Variants in TMEM233 observed in about 807,000 individuals in gnomAD.
The protein encoded by TMEM233 is transmembrane protein 233.
In TMEM233, 6 loss-of-function variants were observed where a neutral mutation model predicts 11.2. The observed-to-expected ratio is 0.54, with a 90% CI of 0.29 to 1.06. The LOEUF (loss-of-function observed/expected upper bound fraction) is 1.06. Among genes scored for constraint, TMEM233 ranks in the 50% least tolerant of loss-of-function variants. The pLI, the probability that TMEM233 is intolerant of heterozygous loss-of-function variation, is 0.08. For missense variants in TMEM233, 127 were observed against 144.7 expected, an observed-to-expected ratio of 0.88 and a Z score of 0.63; for synonymous variants, 59 against 55.8, an observed-to-expected ratio of 1.06 and a Z score of -0.26.
intron 1 of TMEM233, among the ~76,000 whole-genome samples, chr12:119,598,418 C>G (rs562350275): frequency 6.6e-6 from 1 of 152,346 alleles, no homozygotes; most frequent in East Asian, 1.9e-4. Context: ...TACACAATAA[C>G]CAATGACTTT....
intron 1 of TMEM233, among the ~76,000 whole-genome samples, chr12:119,629,279 G>A (rs11064857): frequency 0.77 from 116,339 of 151,908 alleles, 44,727 homozygotes; most frequent in Middle Eastern, 0.85. Flanking sequence ...GCGTGGTGGC[G>A]GGCACCTGTA....
At chr12:119,607,728 C>A (rs1459889215) in intron 1 of TMEM233, among the ~76,000 whole-genome samples, 1 of 151,722 alleles carries the variant, frequency 6.6e-6, no homozygotes, top group Middle Eastern at 3.2e-3. Context: ...CCTGCCCCAT[C>A]CTCAGGCCCC....
At chr12:119,644,430 C>A (rs760387361), downstream of TMEM233, among the ~76,000 whole-genome samples, 1 of 151,878 alleles carries the variant, frequency 6.6e-6, no homozygotes, top group Non-Finnish European at 1.5e-5. Flanking sequence ...TCTTACTATA[C>A]CTTCCATATG....
downstream of TMEM233, among the ~76,000 whole-genome samples, chr12:119,645,916 G>A: frequency 6.6e-6 from 1 of 152,102 alleles, no homozygotes; most frequent in East Asian, 1.9e-4. Flanking sequence ...GAAAGTATTG[G>A]GAGGAACTCA....
At chr12:119,600,309 C>T (rs1171934155) in intron 1 of TMEM233, among the ~76,000 whole-genome samples, 1 of 141,040 alleles carries the variant, frequency 7.1e-6, no homozygotes, top group Non-Finnish European at 1.5e-5. Context: ...GTCCACAAGA[C>T]AAGAACCGGC....
At chr12:119,630,589 T>C (rs1359632867) in intron 2 of TMEM233, among the ~76,000 whole-genome samples, 1 of 152,242 alleles carries the variant, frequency 6.6e-6, no homozygotes, top group Non-Finnish European at 1.5e-5. Flanking sequence ...ACAACAGGCA[T>C]CTGTCTGTGG....
chr12:119,595,429 T>G lies in TMEM233; in HGVS notation c.186+1395T>G, dbSNP rs1009011142. 2.0e-5 allele frequency among the ~76,000 whole-genome samples: 3 copies of G among 152,196 alleles called. No individual in the cohort carries two copies. The highest frequency in any genetic ancestry group is 7.2e-5 in the African/African-American group (3 of 41,442). On this transcript the variant is annotated intron_variant, in intron 1 of 2. Transcript: ENST00000426426. The surrounding 1 kb of genome is among the most constrained non-coding windows in gnomAD (Gnocchi z 4.3). The stretch of plus-strand genomic sequence containing the variant: ...TTCGTGGGCACCTGCAAGGCTCCAT[T>G]TGCACCCGTAACTTGCCCTTTCCCA...
chr12:119,639,109 TA>T (rs1955029138), intron 2 of TMEM233, among the ~76,000 whole-genome samples: 1 of 152,134 alleles, frequency 6.6e-6, no homozygotes, highest in Non-Finnish European at 1.5e-5. Context: ...CTCTTCCTTC[TA>T]AAAGCCAAAC....
Position 119,601,431 on chromosome 12 carries a change from C to T in TMEM233, c.186+7397C>T, listed in dbSNP as rs561186870. Among the ~76,000 whole-genome samples the T allele has an allele frequency of 5.9e-5, 9 of 152,072 alleles. No individual in the cohort carries two copies. In the South Asian group the frequency reaches 6.2e-4, roughly 11 times the overall value. On this transcript the variant is annotated intron_variant, in intron 1 of 2. Coordinates refer to ENST00000426426, the MANE Select transcript of TMEM233 (RefSeq NM_001136534.3). ...CAGCACTTTGGGAGGCCGAGGCGGG[C>T]GGATCACGAGGTCAGGAGACTGAGA...
At chr12:119,622,448 C>T (rs914060832) in intron 1 of TMEM233, among the ~76,000 whole-genome samples, 5 of 152,208 alleles carry the variant, frequency 3.3e-5, no homozygotes, top group African/African-American at 1.2e-4. Context: ...AGTTCTTCCA[C>T]ACCAGATGGA....
the TMEM233 span, among the ~76,000 whole-genome samples, chr12:119,651,234 CTG>C: frequency 6.6e-6 from 1 of 152,204 alleles, no homozygotes; most frequent in Non-Finnish European, 1.5e-5. Context: ...GGCTATGGCT[CTG>C]TTTCCCTTTG....
chr12:119,612,669 A>G (rs549731491), intron 1 of TMEM233, among the ~76,000 whole-genome samples: 1,809 of 149,542 alleles, frequency 0.012, 21 homozygotes, highest in South Asian at 0.015. Flanking sequence ...GGAGAATGGC[A>G]TGAACCGGGA....
the TMEM233 span, among the ~76,000 whole-genome samples, chr12:119,649,429 A>G: frequency 2.0e-5 from 3 of 152,282 alleles, no homozygotes; most frequent in Middle Eastern, 0.01. Flanking sequence ...GAGAAAGACA[A>G]TTTAGAGTGT....
chr12:119,633,787 T>C (rs1014380193), intron 2 of TMEM233, among the ~76,000 whole-genome samples: 1 of 152,198 alleles, frequency 6.6e-6, no homozygotes, highest in Admixed American at 6.5e-5. Flanking sequence ...CTCCCAGCCC[T>C]CATTTACAGG....
chr12:119,616,833 T>C (rs1031358921), intron 1 of TMEM233, among the ~76,000 whole-genome samples: 8 of 152,226 alleles, frequency 5.3e-5, no homozygotes, highest in Non-Finnish European at 8.8e-5. Flanking sequence ...CTGATGGTTC[T>C]GTAAGGGGCT....
At chr12:119,646,497 CG>C (rs1275138763), downstream of TMEM233, among the ~76,000 whole-genome samples, 1 of 152,196 alleles carries the variant, frequency 6.6e-6, no homozygotes, top group Non-Finnish European at 1.5e-5. Context: ...ATCAAGATGG[CG>C]GCAGGGTTGG....
chr12:119,608,567 C>T (rs1954331341), intron 1 of TMEM233, among the ~76,000 whole-genome samples: 2 of 152,190 alleles, frequency 1.3e-5, no homozygotes, highest in African/African-American at 2.4e-5. Flanking sequence ...CCAATGATGG[C>T]AATCTCTAGC....
chr12:119,647,668 C>T (rs776623265), downstream of TMEM233, among the ~76,000 whole-genome samples: 8 of 152,084 alleles, frequency 5.3e-5, no homozygotes, highest in Non-Finnish European at 8.8e-5. Flanking sequence ...AGGTTTGTTA[C>T]GTAGGTATAT....
intron 2 of TMEM233, 55 bp downstream of exon 2, chr12:119,629,927 G>T (rs571468188): frequency 6.6e-6 from 10 of 1,513,300 alleles, no homozygotes; most frequent in African/African-American, 4.2e-5. Context: ...TCGAACGCCC[G>T]TTGGAATCTG....
Sources: gnomAD v4.1 joint callset for allele counts (sites outside exome capture counted in the v4.1 genomes callset) on GRCh38, gnomAD v4.1.1 for gene constraint, Gnocchi (gnomAD v3.1) non-coding constraint, MANE v1.5 for transcripts, NCBI Gene and HGNC (gene_info 2026-07-23, HGNC 2026-07-21) for gene names.